The following SATB1 variants were observed in gnomAD, a reference collection of about 807,000 sequenced individuals.
SATB1 encodes the protein SATB homeobox 1, also known as DNA-binding protein SATB1.
In SATB1, 11 loss-of-function variants were observed where a neutral mutation model predicts 86.9. The observed-to-expected ratio is 0.13, with a 90% CI of 0.08 to 0.21. The LOEUF is 0.21. Among genes scored for constraint, SATB1 ranks in the 10% least tolerant of loss-of-function variants. The pLI is 1.00. For synonymous variants in SATB1, 357 were observed against 357.2 expected, an observed-to-expected ratio of 1.00 and a Z score of 0.01; for missense variants, 551 against 937.6, an observed-to-expected ratio of 0.59 and a Z score of 5.39.
At chr3:18,415,912 TAAA>T in intron 4 of SATB1, 92 bp downstream of exon 4, 1 of 1,200,698 alleles carries the variant, frequency 8.3e-7, no homozygotes, top group Non-Finnish European at 1.2e-6. Flanking sequence ...AAACACAGAC[TAAA>T]AAAAAATTGA....
intron 8 of SATB1, among the ~76,000 whole-genome samples, chr3:18,379,869 C>T (rs769337931): frequency 2.0e-5 from 3 of 152,140 alleles, no homozygotes; most frequent in African/African-American, 4.8e-5. Context: ...GGGCCTCATC[C>T]GCCTCCTCTC....
intron 3 of SATB1, among the ~76,000 whole-genome samples, chr3:18,416,508 C>G (rs1052737186): frequency 1.3e-5 from 2 of 152,048 alleles, no homozygotes; most frequent in Non-Finnish European, 2.9e-5. Context: ...TTGAAAAATA[C>G]TTTGCAGCCC....
chr3:18,399,529 T>C (rs1332165820), intron 5 of SATB1, among the ~76,000 whole-genome samples: 1 of 152,158 alleles, frequency 6.6e-6, no homozygotes, highest in African/African-American at 2.4e-5. Flanking sequence ...CTAGAACCTA[T>C]ATGTAATAGT....
chr3:18,359,309 T>C (rs1278296498), intron 9 of SATB1, among the ~76,000 whole-genome samples: 5 of 151,912 alleles, frequency 3.3e-5, no homozygotes, highest in East Asian at 1.9e-4. Flanking sequence ...CTGACTTAAA[T>C]AGGTTGTTGA....
chr3:18,433,005 T>C (rs1217894000), intron 2 of SATB1, among the ~76,000 whole-genome samples: 4 of 152,142 alleles, frequency 2.6e-5, no homozygotes, highest in African/African-American at 4.8e-5. Flanking sequence ...ACAATTAATA[T>C]GATGAATACC....
intron 9 of SATB1, among the ~76,000 whole-genome samples, chr3:18,370,887 G>A (rs954235709): frequency 6.6e-6 from 1 of 152,200 alleles, no homozygotes; most frequent in South Asian, 2.1e-4. Flanking sequence ...GTCGATACTC[G>A]ACAGTTCAGC....
chr3:18,436,970 G>T (rs149540325), intron 1 of SATB1: 1 of 152,160 alleles, frequency 6.6e-6, no homozygotes, highest in African/African-American at 2.4e-5. Context: ...TCTAGTTTCA[G>T]TAACCCATTG....
At chr3:18,360,713 T>C (rs1163631531) in intron 9 of SATB1, among the ~76,000 whole-genome samples, 1 of 152,174 alleles carries the variant, frequency 6.6e-6, no homozygotes, top group Non-Finnish European at 1.5e-5. Context: ...CACAGGATAG[T>C]AGCCAGTACA....
At chr3:18,368,592 AC>A (rs1048697829) in intron 9 of SATB1, among the ~76,000 whole-genome samples, 2 of 151,734 alleles carry the variant, frequency 1.3e-5, no homozygotes, top group African/African-American at 4.8e-5. Flanking sequence ...GAATCAAAAA[AC>A]CCCCACTATT....
rs1185928005 is a variant in SATB1 at position 18,349,644 on chromosome 3, C to CTGCTGCTGCTGCTGCTGTTGCTGT, written c.1794_1817dup (p.Gln600_Gln607dup). 9.3e-6 allele frequency: 15 copies of CTGCTGCTGCTGCTGCTGTTGCTGT among 1,607,844 alleles called. No individual in the cohort carries two copies. Among genetic ancestry groups the CTGCTGCTGCTGCTGCTGTTGCTGT allele is most frequent in the Non-Finnish European group, 1.3e-5 (15 of 1,176,964 alleles). ...GTGGCTGTGGAGGCGGCGGTGCCTG[C>CTGCTGCTGCTGCTGCTGTTGCTGT]TGCTGCTGCTGCTGCTGTTGCTGTT... On this transcript the variant is annotated inframe_insertion, in exon 11 of 11. Coordinates refer to ENST00000338745, the MANE Select transcript of SATB1 (RefSeq NM_002971.6). The surrounding 1 kb of genome is among the most constrained non-coding windows in gnomAD (Gnocchi z 5.5).
Position 18,358,522 on chromosome 3 carries a change from G to A in SATB1, c.1576-6327C>T, listed in dbSNP as rs377007465. Among the ~76,000 whole-genome samples the A allele has an allele frequency of 1.8e-4, 27 of 152,090 alleles. No homozygotes were observed. The East Asian group carries it at 2.1e-3, about 12-fold the overall frequency. Reference sequence around the variant, plus strand: ...CACTGTAAGTAACTTTTCCTGCTAAGTTAACATTGGTCTTATTAAAGAAAA... The same window carrying A: ...CACTGTAAGTAACTTTTCCTGCTAAATTAACATTGGTCTTATTAAAGAAAA... On this transcript the variant is annotated intron_variant, in intron 9 of 10. Coordinates refer to ENST00000338745, the MANE Select transcript of SATB1 (RefSeq NM_002971.6).
At chr3:18,377,859 T>A (rs1695843574) in intron 9 of SATB1, among the ~76,000 whole-genome samples, 1 of 152,166 alleles carries the variant, frequency 6.6e-6, no homozygotes, top group Non-Finnish European at 1.5e-5. Flanking sequence ...GTAATTCACA[T>A]TATTTATTCT....
At chr3:18,388,758 A>T (rs556551364) in intron 7 of SATB1, among the ~76,000 whole-genome samples, 12 of 152,216 alleles carry the variant, frequency 7.9e-5, no homozygotes, top group South Asian at 4.1e-4. Context: ...TCTAATAATT[A>T]AAAAAATTAG....
chr3:18,432,286 C>T (rs749987231), intron 2 of SATB1, among the ~76,000 whole-genome samples: 39 of 152,224 alleles, frequency 2.6e-4, no homozygotes, highest in Non-Finnish European at 4.3e-4. Flanking sequence ...TTTTTAATTC[C>T]GGTGAAATCG....
Position 18,416,887 on chromosome 3 carries a change from G to A in SATB1, c.388+15C>T, listed in dbSNP as rs113719349. 1.5e-4 allele frequency: 235 copies of A among 1,586,560 alleles called. 1 individual carries two copies. The African/African-American group carries it at 2.0e-3, about 14-fold the overall frequency. ...TGCTAAGCAATTTTTCCAACCCCACGTACACATTATTTACCTTTGGCCTGG... is the reference window on the plus strand; with the variant it reads ...TGCTAAGCAATTTTTCCAACCCCACATACACATTATTTACCTTTGGCCTGG... On this transcript the variant is annotated intron_variant, in intron 3 of 10. Transcript: ENST00000338745.
chr3:18,367,345 A>G lies in SATB1; in HGVS notation c.1575+10825T>C, dbSNP rs115639205. On this transcript the variant is annotated intron_variant, in intron 9 of 10. Transcript: ENST00000338745. Reference sequence around the variant, plus strand: ...ATGACTTCAACAATGATGATGAAAAATGAAGACAGTGGGTCCAGAAGAAAA... The same window carrying G: ...ATGACTTCAACAATGATGATGAAAAGTGAAGACAGTGGGTCCAGAAGAAAA... 4.1e-3 allele frequency among the ~76,000 whole-genome samples: 629 copies of G among 152,354 alleles called. 4 individuals are homozygous for G. Among genetic ancestry groups the G allele is most frequent in the African/African-American group, 0.014 (602 of 41,580 alleles).
rs1160087791 is a variant in SATB1 at position 18,348,208 on chromosome 3, G to C, written c.*962C>G. On this transcript the variant is annotated 3_prime_UTR_variant, in exon 11 of 11. Coordinates refer to ENST00000338745, the MANE Select transcript of SATB1 (RefSeq NM_002971.6). Reference sequence around the variant, plus strand: ...CATTAATTGCATAATTTTCTAAGGTGATCTATTAGTTTTATTTACCTAAGC... The same window carrying C: ...CATTAATTGCATAATTTTCTAAGGTCATCTATTAGTTTTATTTACCTAAGC... 2.0e-5 allele frequency: 3 copies of C among 152,538 alleles called. No individual in the cohort carries two copies. Among genetic ancestry groups the C allele is most frequent in the Non-Finnish European group, 2.9e-5 (2 of 68,012 alleles). 9.4% of individuals were successfully genotyped at this position (152,538 alleles called of 1,614,324 possible). A position where few individuals can be genotyped will look rare whatever the true frequency, so the allele number is the denominator to read the frequency against.
In SATB1 at chr3:18,414,977, G is replaced by T; in HGVS notation, c.639+134C>A. The T allele has an allele frequency of 5.4e-6, 5 of 920,450 alleles. No individual in the cohort carries two copies. In the South Asian group the frequency reaches 6.5e-5, roughly 12 times the overall value. The allele number at this position is 920,450 out of a possible 1,614,324, so 57.0% of individuals were successfully genotyped here. On this transcript the variant is annotated intron_variant, in intron 5 of 10. Transcript: ENST00000338745. ...TCAGGCATATTTTAAAAGGTCACCA[G>T]TGGTCAAGTCACTTTGCATTTTTGG...
In SATB1 at chr3:18,424,692, G is replaced by C. The variant is rs1039391335; in HGVS notation, c.-1090C>G. The C allele has an allele frequency of 1.3e-5, 2 of 152,082 alleles. No individual in the cohort carries two copies. Among genetic ancestry groups the C allele is most frequent in the Admixed American group, 1.3e-4 (2 of 15,274 alleles). 9.4% of individuals were successfully genotyped at this position (152,082 alleles called of 1,614,324 possible). On this transcript the variant is annotated 5_prime_UTR_variant, in exon 1 of 11. Coordinates refer to ENST00000338745, the MANE Select transcript of SATB1 (RefSeq NM_002971.6). ...CCAAAAAGTCGCCAAGCTCTCACTC[G>C]TCCAGAGTCCGAGGTAAACAACGAG...
Sources: allele counts gnomAD v4.1 joint callset (sites outside exome capture counted in the v4.1 genomes callset), GRCh38; gene constraint gnomAD v4.1.1; non-coding constraint Gnocchi (gnomAD v3.1); transcripts MANE v1.5; gene names NCBI Gene and HGNC (gene_info 2026-07-23, HGNC 2026-07-21).